Variants in NPHP3 observed in about 807,000 individuals in gnomAD.
NPHP3 encodes nephrocystin-3.
NPHP3 carries 123 observed loss-of-function variants against 171.9 expected under a neutral mutation model. That is an observed-to-expected ratio of 0.72 (90% confidence interval 0.62 to 0.83). The LOEUF (loss-of-function observed/expected upper bound fraction) is 0.83. NPHP3 is among the 40% of genes least tolerant of loss of function. NPHP3 has a pLI of 0.00. For synonymous variants in NPHP3, 558 were observed against 579.2 expected (o/e 0.96, Z 0.52); for missense variants, 1,506 against 1,591.9 (o/e 0.95, Z 0.92).
At chr3:132,707,387 T>C (rs939762156) in intron 7 of NPHP3, among the ~76,000 whole-genome samples, 3 of 152,174 alleles carry the variant, frequency 2.0e-5, no homozygotes, top group Non-Finnish European at 4.4e-5. Flanking sequence ...CTGCTCGATC[T>C]CTGAGTCCAG....
chr3:132,691,173 A>G lies in NPHP3; in HGVS notation c.2570+19T>C. ...GTGTTGCAGAAGTTACAGAAGAACAACAGGAACATTTACAATACCTTAGCT... is the reference window on the plus strand; with the variant it reads ...GTGTTGCAGAAGTTACAGAAGAACAGCAGGAACATTTACAATACCTTAGCT... On this transcript the variant is annotated intron_variant, in intron 18 of 26. Transcript: ENST00000337331. 6.4e-7 allele frequency: 1 copy of G among 1,571,278 alleles called. No homozygotes were observed. The highest frequency in any genetic ancestry group is 8.8e-7 in the Non-Finnish European group (1 of 1,141,100).
intron 1 of NPHP3, 78 bp downstream of exon 1, chr3:132,721,885 G>T: frequency 6.4e-7 from 1 of 1,554,632 alleles, no homozygotes. Flanking sequence ...AACTTTCAAA[G>T]CCGCTTGGTT....
chr3:132,696,349 CAG>C (rs1939453818), intron 15 of NPHP3, among the ~76,000 whole-genome samples: 2 of 152,096 alleles, frequency 1.3e-5, no homozygotes. Flanking sequence ...GACTTGAGAA[CAG>C]AGACAATTAA....
intron 3 of NPHP3, 145 bp from the exon 4 acceptor site, chr3:132,717,054 G>A (rs910423482): frequency 6.9e-6 from 6 of 865,036 alleles, no homozygotes; most frequent in East Asian, 5.3e-5. Flanking sequence ...CTTTGCCATC[G>A]ACTTTTGGCA....
At chr3:132,721,649 A>G (rs1940221729) in intron 1 of NPHP3, 1 of 516,002 alleles carries the variant, frequency 1.9e-6, no homozygotes, top group Non-Finnish European at 3.6e-6. Context: ...GAAATAGAAA[A>G]GCGGGGACCA....
chr3:132,686,130 C>A, intron 23 of NPHP3, 130 bp downstream of exon 23: 1 of 880,562 alleles, frequency 1.1e-6, no homozygotes, highest in East Asian at 2.5e-5. Flanking sequence ...CATTATATAA[C>A]ATCATACATG....
rs1940148516 is a variant in NPHP3, at chr3:132,719,601, C to T, written c.519+104G>A. 6 of 765,506 alleles carry T rather than the reference C, an allele frequency of 7.8e-6. No homozygotes were observed. In the South Asian group the frequency reaches 2.1e-4, roughly 27 times the overall value. The allele number at this position is 765,506 out of a possible 1,614,324, so 47.4% of individuals were successfully genotyped here. ...ATTCTTACAACTTTCCTGAATCCTA[C>T]ATGACTTACTTCTATTTATTCATCG... On this transcript the variant is annotated intron_variant, in intron 2 of 26. Transcript: ENST00000337331.
chr3:132,689,120 T>C lies in NPHP3; in HGVS notation c.2837A>G (p.Tyr946Cys), dbSNP rs1175989491. 2.5e-6 allele frequency: 4 copies of C among 1,614,158 alleles called. No individual in the cohort carries two copies. In the South Asian group the frequency reaches 4.4e-5, roughly 18 times the overall value. The stretch of plus-strand genomic sequence containing the variant: ...CTTGAGAAATCGCCCCAAGGTTTCA[T>C]AAAGATCAGCTAAGCAACTCATGTT... ...EDNMSCLADL[Y>C]ETLGRFLKDL... Residue 946 changes from tyrosine to cysteine, a missense_variant, in exon 20 of 27, where the codon TAT becomes TGT. This residue lies in a region of NPHP3 where 569 missense variants were observed against 648.1 expected (regional missense o/e 0.88). Coordinates refer to ENST00000337331, the MANE Select transcript of NPHP3 (RefSeq NM_153240.5).
In NPHP3 at chr3:132,708,217, G is replaced by C. The variant is rs1315534224; in HGVS notation, c.1159C>G (p.Pro387Ala). The change falls in exon 7 of 27, where the codon CCT (proline) becomes GCT (alanine). Residue 387 changes from proline (P) to alanine (A), a missense_variant. Physicochemically the swap from Pro to Ala is conservative, Grantham distance 27 (BLOSUM62 -1). Transcript: ENST00000337331. ...EDCEEAFLKN[P>A]EGKPRLIFHR... ...AAGATTAATCGAGGTTTTCCTTCAG[G>C]GTTTTTCAGAAAAGCTTCTTCACAG... is the stretch of plus-strand genomic sequence containing the variant. 6.2e-7 allele frequency: 1 copy of C among 1,613,968 alleles called. No homozygotes were observed. The highest frequency in any genetic ancestry group is 2.2e-5 in the East Asian group (1 of 44,892).
chr3:132,700,231 G>T, intron 11 of NPHP3, 103 bp downstream of exon 11: 1 of 1,149,558 alleles, frequency 8.7e-7, no homozygotes, highest in Non-Finnish European at 1.3e-6. Flanking sequence ...AACCAAAACA[G>T]GTGGATAATA....
intron 25 of NPHP3, 21 bp downstream of exon 25, chr3:132,683,378 C>T (rs768481221): frequency 2.9e-5 from 47 of 1,606,802 alleles, no homozygotes; most frequent in South Asian, 4.4e-5. Flanking sequence ...ACTGATACAA[C>T]GTTAAAATAT....
At chr3:132,695,986 AT>A (rs1469546038) in intron 15 of NPHP3, among the ~76,000 whole-genome samples, 1 of 152,170 alleles carries the variant, frequency 6.6e-6, no homozygotes, top group African/African-American at 2.4e-5. Flanking sequence ...GTTTCAGAAG[AT>A]TTTTTTATTT....
chr3:132,701,492 CG>C lies in NPHP3; in HGVS notation c.1565del (p.Pro522ArgfsTer34). 1 of 1,613,598 alleles carries C rather than the reference CG, an allele frequency of 6.2e-7. No homozygotes were observed. Among genetic ancestry groups the C allele is most frequent in the Non-Finnish European group, 8.5e-7 (1 of 1,179,778 alleles). ...RLNDLVAAPA[P>X]IPPLLVSGGP... The stretch of plus-strand genomic sequence containing the variant: ...CTCCAGACACGAGAAGAGGTGGAAT[CG>C]GGGCTGGTGCTGCCACTAGATCATT... On this transcript the variant is annotated frameshift_variant, in exon 10 of 27. Transcript: ENST00000337331. LOFTEE classifies it high-confidence loss of function.
At position 132,713,236 on chromosome 3, in the gene NPHP3, G is replaced by GA. The variant is rs1576682959; in HGVS notation, c.1007dup (p.His337ProfsTer10). On this transcript the variant is annotated frameshift_variant, in exon 6 of 27. Coordinates refer to ENST00000337331, the MANE Select transcript of NPHP3 (RefSeq NM_153240.5). LOFTEE classifies it high-confidence loss of function. ...CATCTATTGGAAAATAAACAGCATG[G>GA]AAAAAATATCCCATTGTCTCGCACA... 2 of 1,601,222 alleles carry GA rather than the reference G, an allele frequency of 1.2e-6. No individual in the cohort carries two copies. The highest frequency in any genetic ancestry group is 1.7e-6 in the Non-Finnish European group (2 of 1,172,568).
In NPHP3 at chr3:132,697,260, C is replaced by T. The variant is rs1388267715; in HGVS notation, c.2088G>A (p.Gln696=). 3.2e-6 allele frequency: 5 copies of T among 1,585,934 alleles called. No individual in the cohort carries two copies. Among genetic ancestry groups the T allele is most frequent in the Non-Finnish European group, 4.3e-6 (5 of 1,155,796 alleles). ...TTGCATCAAAATGAAAAATACACAC[C>T]TGCTCTTTACTCAATTTAATGTCTA... ...HSVDIKLSKE[Q]EKKLERHCRS... The change falls in exon 14 of 27, where the codon CAG becomes CAA. Residue 696 remains glutamine, a splice_region_variant and synonymous_variant. Transcript: ENST00000337331.
rs915485819 is a variant in NPHP3 at position 132,721,830 on chromosome 3, C to T, written c.393+133G>A. The T allele has an allele frequency of 4.2e-5, 46 of 1,089,760 alleles. 2 individuals are homozygous for T. The South Asian group carries it at 4.6e-4, about 11-fold the overall frequency. The allele number at this position is 1,089,760 out of a possible 1,614,324, so 67.5% of individuals were successfully genotyped here. A position where few individuals can be genotyped will look rare whatever the true frequency, so the allele number is the denominator to read the frequency against. On this transcript the variant is annotated intron_variant, in intron 1 of 26. Transcript: ENST00000337331. ...GAGGGTTAAGGAATCATTTCAGACTCGAAGAGAATATGGCCTCTCAAATTA... is the reference window on the plus strand; with the variant it reads ...GAGGGTTAAGGAATCATTTCAGACTTGAAGAGAATATGGCCTCTCAAATTA...
rs773343458 is a variant in NPHP3 at position 132,716,778 on chromosome 3, G to A, written c.802C>T (p.Pro268Ser). 5.0e-6 allele frequency: 8 copies of A among 1,613,966 alleles called. No homozygotes were observed. Among genetic ancestry groups the A allele is most frequent in the Non-Finnish European group, 5.9e-6 (7 of 1,180,012 alleles). The change falls in exon 4 of 27, where the codon CCC becomes TCC. Residue 268 changes from proline to serine, a missense_variant. Around this residue, in one of 3 missense-constraint regions of NPHP3, gnomAD observed 930 missense variants for 924.9 expected, o/e 1.01. Coordinates refer to ENST00000337331, the MANE Select transcript of NPHP3 (RefSeq NM_153240.5). ...FAHSSIDVEG[P>S]FANVNRDDWD... ...TTACCTCTATTAACATTTGCAAAGG[G>A]TCCTTCCACATCTATAGAACTATGG...
chr3:132,690,677 A>G (rs1334882957), intron 18 of NPHP3, 27 bp from the exon 19 acceptor site: 3 of 1,612,376 alleles, frequency 1.9e-6, no homozygotes, highest in African/African-American at 2.7e-5. Flanking sequence ...GACAATATTC[A>G]ATATCTTCCT....
At chr3:132,718,897 T>C (rs1223770931) in intron 3 of NPHP3, 97 bp downstream of exon 3, 11 of 1,240,110 alleles carry the variant, frequency 8.9e-6, no homozygotes, top group Admixed American at 3.4e-5. Flanking sequence ...TAACCTAATA[T>C]AGATAAGTAA....
Sources: allele counts gnomAD v4.1 joint callset (sites outside exome capture counted in the v4.1 genomes callset), GRCh38; gene constraint gnomAD v4.1.1; regional missense constraint gnomAD v4.1.1; transcripts MANE v1.5; gene names NCBI Gene and HGNC (gene_info 2026-07-23, HGNC 2026-07-21).